Variants in PPP3CA observed in about 807,000 individuals in gnomAD.
PPP3CA encodes the protein protein phosphatase 3 catalytic subunit alpha.
PPP3CA carries 14 observed loss-of-function variants against 66.5 expected under a neutral mutation model. The ratio of observed to expected loss-of-function variants is 0.21; its 90% CI spans 0.14 to 0.33. PPP3CA has a LOEUF of 0.33. Among genes scored for constraint, PPP3CA ranks in the 10% least tolerant of loss-of-function variants. The pLI, the probability that PPP3CA is intolerant of heterozygous loss-of-function variation, is 1.00. For synonymous variants in PPP3CA, 232 were observed against 226.2 expected (o/e 1.03, Z -0.23); for missense variants, 317 against 639.5 (o/e 0.50, Z 5.44).
intron 1 of PPP3CA, among the ~76,000 whole-genome samples, chr4:101,200,333 T>C (rs1188024027): frequency 1.3e-5 from 2 of 152,216 alleles, no homozygotes; most frequent in Non-Finnish European, 2.9e-5. Flanking sequence ...TCTGTCATGA[T>C]TGAATCACTG....
intron 2 of PPP3CA, among the ~76,000 whole-genome samples, chr4:101,191,387 A>G (rs959065126): frequency 3.3e-5 from 5 of 152,162 alleles, no homozygotes; most frequent in Admixed American, 2.0e-4. Context: ...ACCTTTTATA[A>G]TATAATCACT....
chr4:101,282,453 A>C (rs1041150275), intron 1 of PPP3CA, among the ~76,000 whole-genome samples: 5 of 152,126 alleles, frequency 3.3e-5, no homozygotes, highest in African/African-American at 1.2e-4. Context: ...TAGGTCCTGA[A>C]TTCCACTGGC....
chr4:101,264,919 T>C (rs1410714238), intron 1 of PPP3CA, among the ~76,000 whole-genome samples: 1 of 152,136 alleles, frequency 6.6e-6, no homozygotes, highest in East Asian at 1.9e-4. Context: ...TCCCCTATGA[T>C]GGAAACTAAT....
At chr4:101,026,122 A>G in intron 13 of PPP3CA, 61 bp from the exon 14 acceptor site, 1 of 1,383,066 alleles carries the variant, frequency 7.2e-7, no homozygotes, top group African/African-American at 1.5e-5. Flanking sequence ...CAAAGGGCAC[A>G]GCTGTTGCAG....
At chr4:101,304,357 T>G (rs1578648407) in intron 1 of PPP3CA, among the ~76,000 whole-genome samples, 1 of 152,170 alleles carries the variant, frequency 6.6e-6, no homozygotes, top group Admixed American at 6.5e-5. Flanking sequence ...CATTTCTTCA[T>G]TTCAGTAAGG....
chr4:101,055,144 C>A (rs2110220747), intron 10 of PPP3CA, among the ~76,000 whole-genome samples: 1 of 152,134 alleles, frequency 6.6e-6, no homozygotes, highest in Non-Finnish European at 1.5e-5. Flanking sequence ...AATAACTATT[C>A]CTAACTTACA....
At chr4:101,230,278 A>C (rs923234134) in intron 1 of PPP3CA, among the ~76,000 whole-genome samples, 1 of 151,532 alleles carries the variant, frequency 6.6e-6, no homozygotes, top group Non-Finnish European at 1.5e-5. Context: ...GCAATTCCTA[A>C]TTTTTGGGCC....
chr4:101,109,505 T>C (rs2732509), intron 2 of PPP3CA, among the ~76,000 whole-genome samples: 22,407 of 151,704 alleles, frequency 0.15, 2,906 homozygotes, highest in African/African-American at 0.34. Flanking sequence ...TGGCATAATC[T>C]ATGTACAACT....
intron 1 of PPP3CA, among the ~76,000 whole-genome samples, chr4:101,216,571 C>T (rs1023211077): frequency 1.2e-4 from 19 of 152,024 alleles, no homozygotes; most frequent in South Asian, 6.2e-4. Context: ...CAGGGTGTCG[C>T]TCTGTTGCCC....
At chr4:101,266,868 A>G (rs1398232574) in intron 1 of PPP3CA, among the ~76,000 whole-genome samples, 1 of 152,230 alleles carries the variant, frequency 6.6e-6, no homozygotes, top group East Asian at 1.9e-4. Flanking sequence ...TTGCTCAATC[A>G]TTATTGATTA....
chr4:101,334,145 T>C (rs1438388699), intron 1 of PPP3CA, among the ~76,000 whole-genome samples: 1 of 152,268 alleles, frequency 6.6e-6, no homozygotes, highest in East Asian at 1.9e-4. Context: ...ACACTTTTTT[T>C]TTTTTTGAGG....
intron 2 of PPP3CA, among the ~76,000 whole-genome samples, chr4:101,114,936 G>A (rs1325129510): frequency 6.6e-6 from 1 of 152,004 alleles, no homozygotes; most frequent in African/African-American, 2.4e-5. Context: ...ACAGGCATGG[G>A]GGTTCAAGTA....
At chr4:101,145,140 T>C (rs1380380296) in intron 2 of PPP3CA, among the ~76,000 whole-genome samples, 2 of 152,160 alleles carry the variant, frequency 1.3e-5, no homozygotes, top group Non-Finnish European at 2.9e-5. Context: ...CTATATATAA[T>C]GTTTTCAGGA....
intron 9 of PPP3CA, 77 bp from the exon 10 acceptor site, chr4:101,061,238 A>G: frequency 8.6e-7 from 1 of 1,158,678 alleles, no homozygotes; most frequent in Non-Finnish European, 1.3e-6. Context: ...ATTGTTAATG[A>G]GCAAACTTAG....
chr4:101,255,194 C>T (rs1422034503), intron 1 of PPP3CA, among the ~76,000 whole-genome samples: 1 of 151,742 alleles, frequency 6.6e-6, no homozygotes, highest in Non-Finnish European at 1.5e-5. Flanking sequence ...TTGTGACTTC[C>T]AATTTTGTTT....
chr4:101,075,337 G>A (rs894328284), intron 8 of PPP3CA, among the ~76,000 whole-genome samples: 5 of 151,920 alleles, frequency 3.3e-5, no homozygotes, highest in Admixed American at 2.0e-4. Context: ...AATTAGTTTC[G>A]TTGCCATTAG....
At chr4:101,087,175 C>G (rs1729709341) in intron 6 of PPP3CA, among the ~76,000 whole-genome samples, 1 of 152,142 alleles carries the variant, frequency 6.6e-6, no homozygotes, top group Non-Finnish European at 1.5e-5. Flanking sequence ...CTACCTTTTC[C>G]TAGGACTTGC....
chr4:101,269,552 ACGTGTG>A (rs1727269326), intron 1 of PPP3CA, among the ~76,000 whole-genome samples: 1 of 89,630 alleles, frequency 1.1e-5, no homozygotes, highest in Admixed American at 1.1e-4. Context: ...CAAACAAGGA[ACGTGTG>A]TGTGTGTGTG....
intron 10 of PPP3CA, among the ~76,000 whole-genome samples, chr4:101,057,015 C>A (rs931356601): frequency 6.6e-6 from 1 of 151,968 alleles, no homozygotes; most frequent in Non-Finnish European, 1.5e-5. Flanking sequence ...TGCTAGGACT[C>A]CTGATTGCTT....
Sources: allele counts gnomAD v4.1 joint callset (sites outside exome capture counted in the v4.1 genomes callset), GRCh38; gene constraint gnomAD v4.1.1; transcripts MANE v1.5; gene names NCBI Gene and HGNC (gene_info 2026-07-23, HGNC 2026-07-21).